ZNF638: variants seen among roughly 807,000 people sequenced by gnomAD.
The protein encoded by ZNF638 is CTCL tumor antigen se33-1.
A neutral mutation model predicts 195.6 loss-of-function variants in ZNF638; 46 were observed. That is an observed-to-expected ratio of 0.24 (90% CI 0.19 to 0.30). ZNF638 has a LOEUF of 0.30. ZNF638 is among the 10% of genes least tolerant of loss of function. ZNF638 has a pLI of 1.00. For synonymous variants in ZNF638, 845 were observed against 772.0 expected, an observed-to-expected ratio of 1.09 and a Z score of -1.57; for missense variants, 2,440 against 2,325.3, an observed-to-expected ratio of 1.05 and a Z score of -1.01.
intron 20 of ZNF638, among the ~76,000 whole-genome samples, chr2:71,417,210 G>A (rs556588613): frequency 6.6e-6 from 1 of 151,808 alleles, no homozygotes; most frequent in South Asian, 2.1e-4. Flanking sequence ...TCTGAAAAGC[G>A]CAATATTCGG....
intron 1 of ZNF638, 100 bp from the exon 2 acceptor site, chr2:71,348,652 GT>G: frequency 1.5e-6 from 2 of 1,295,408 alleles, no homozygotes; most frequent in South Asian, 3.0e-5. Flanking sequence ...ATGCAGAATG[GT>G]TTCATGGCTT....
Position 71,426,533 on chromosome 2 carries a change from A to C in ZNF638, c.4664A>C (p.Gln1555Pro), listed in dbSNP as rs1343864835. 2 of 1,613,152 alleles carry C rather than the reference A, an allele frequency of 1.2e-6. No homozygotes were observed. Among genetic ancestry groups the C allele is most frequent in the African/African-American group, 2.7e-5 (2 of 74,790 alleles). ...GTTATAGAAGAAGTGAATCCTTCTC[A>C]GGCCAAGCAGAATCCACTAAAGGGA... is the stretch of plus-strand genomic sequence containing the variant. Reference protein sequence around the residue: ...DEVIEEVNPSQAKQNPLKGKR... With the variant: ...DEVIEEVNPSPAKQNPLKGKR... The change falls in exon 24 of 28, where the codon CAG becomes CCG. Residue 1555 changes from glutamine (Q) to proline (P), a missense_variant. Coordinates refer to ENST00000264447, the MANE Select transcript of ZNF638 (RefSeq NM_014497.5).
rs2078915598 is a variant in ZNF638 at position 71,350,065 on chromosome 2, AAG to A, written c.1113_1114del (p.Asn372LeufsTer6). The stretch of plus-strand genomic sequence containing the variant: ...ACATGTTGGATCAAGAGGAAGTAAA[AAG>A]AATTACCAGTCACAGGCTGACATTC... ...NVHVGSRGSKKNYQSQADIPI... is the reference protein window; with the variant it reads ...NVHVGSRGSKXNYQSQADIPI... On this transcript the variant is annotated frameshift_variant, in exon 2 of 28. Coordinates refer to ENST00000264447, the MANE Select transcript of ZNF638 (RefSeq NM_014497.5). LOFTEE classifies it high-confidence loss of function. 1 of 1,614,090 alleles carries A rather than the reference AAG, an allele frequency of 6.2e-7. No individual in the cohort carries two copies. Among genetic ancestry groups the A allele is most frequent in the Non-Finnish European group, 8.5e-7 (1 of 1,180,052 alleles).
chr2:71,406,015 C>G, intron 18 of ZNF638, 113 bp from the exon 19 acceptor site: 1 of 1,276,710 alleles, frequency 7.8e-7, no homozygotes. Flanking sequence ...CATTTTCTTA[C>G]TCTTGGGAGA....
chr2:71,418,895 A>G (rs2080361943), intron 21 of ZNF638, among the ~76,000 whole-genome samples: 1 of 152,216 alleles, frequency 6.6e-6, no homozygotes, highest in South Asian at 2.1e-4. Flanking sequence ...GTTTGAATTA[A>G]ATAAACCACT....
intron 21 of ZNF638, among the ~76,000 whole-genome samples, chr2:71,419,055 T>G (rs2080365505): frequency 6.6e-6 from 1 of 152,214 alleles, no homozygotes; most frequent in African/African-American, 2.4e-5. Context: ...TTGATACTTT[T>G]TAAAAACAAC....
chr2:71,396,898 G>T (rs1343637948), intron 11 of ZNF638, among the ~76,000 whole-genome samples: 1 of 152,182 alleles, frequency 6.6e-6, no homozygotes, highest in Non-Finnish European at 1.5e-5. Flanking sequence ...AGTGAGCTGA[G>T]ATCTTGCCAC....
intron 1 of ZNF638, among the ~76,000 whole-genome samples, chr2:71,346,328 T>G (rs1383205477): frequency 3.9e-5 from 6 of 152,214 alleles, no homozygotes. Flanking sequence ...TTTTATTATG[T>G]AGAAGGTAGG....
intron 6 of ZNF638, among the ~76,000 whole-genome samples, chr2:71,366,461 T>C (rs370676460): frequency 4.6e-5 from 7 of 152,354 alleles, no homozygotes; most frequent in African/African-American, 1.7e-4. Flanking sequence ...ATGGAATATT[T>C]TACTGGTTTT....
chr2:71,418,537 C>T, intron 20 of ZNF638, 65 bp from the exon 21 acceptor site: 2 of 1,111,526 alleles, frequency 1.8e-6, no homozygotes, highest in South Asian at 1.9e-5. Context: ...AAAAACATTG[C>T]TTTTATAGTT....
chr2:71,377,853 TTAAC>T (rs1291980755), intron 8 of ZNF638, among the ~76,000 whole-genome samples: 1 of 152,250 alleles, frequency 6.6e-6, no homozygotes, highest in Non-Finnish European at 1.5e-5. Flanking sequence ...AGAAAACAGT[TTAAC>T]TATACAAAGA....
chr2:71,423,078 T>C lies in ZNF638; in HGVS notation c.3564T>C (p.Ile1188=). The C allele has an allele frequency of 1.2e-6, 2 of 1,614,128 alleles. No individual in the cohort carries two copies. The highest frequency in any genetic ancestry group is 2.2e-5 in the South Asian group (2 of 91,084). ...TTGTAGCATCCGCTTCAGTCAGTAT[T>C]GAACAATTCACTGAAAATGCCGAGG... ...IPLVASASVS[I]EQFTENAEEC... Residue 1188 remains isoleucine, a synonymous_variant, in exon 22 of 28, where the codon ATT becomes ATC. Coordinates refer to ENST00000264447, the MANE Select transcript of ZNF638 (RefSeq NM_014497.5).
intron 10 of ZNF638, chr2:71,388,872 C>G (rs2079707810): frequency 9.4e-6 from 6 of 638,784 alleles, no homozygotes; most frequent in Non-Finnish European, 1.7e-5. Flanking sequence ...CTCGGTTTCA[C>G]AGGCTCAGTT....
chr2:71,389,055 G>A (rs991711171), intron 10 of ZNF638, among the ~76,000 whole-genome samples: 5 of 152,102 alleles, frequency 3.3e-5, no homozygotes, highest in African/African-American at 7.2e-5. Context: ...GGCTGCTTTG[G>A]CCCTGCTGTA....
At position 71,368,481 on chromosome 2, in the gene ZNF638, C is replaced by A; in HGVS notation, c.2095C>A (p.Pro699Thr). The A allele has an allele frequency of 6.2e-7, 1 of 1,613,398 alleles. No individual in the cohort carries two copies. The highest frequency in any genetic ancestry group is 8.5e-7 in the Non-Finnish European group (1 of 1,179,732). Residue 699 changes from proline (P) to threonine (T), a missense_variant, in exon 7 of 28, where the codon CCA (proline) becomes ACA (threonine). Physicochemically the swap from Pro to Thr is conservative, Grantham distance 38 (BLOSUM62 -1). Coordinates refer to ENST00000264447, the MANE Select transcript of ZNF638 (RefSeq NM_014497.5). ...AGAAGATGTGAGAAAATTATTTCAA[C>A]CATTTGGGAAAGTGAATGATGTCCT... ...TEEDVRKLFQPFGKVNDVLIV... is the reference protein window; with the variant it reads ...TEEDVRKLFQTFGKVNDVLIV...
chr2:71,393,684 G>C (rs867944890), intron 10 of ZNF638: 4 of 709,138 alleles, frequency 5.6e-6, no homozygotes, highest in African/African-American at 5.3e-5. Context: ...TTATGCTCTC[G>C]CTTCCCCTGC....
chr2:71,385,228 TTTAAC>T (rs1283723832), intron 10 of ZNF638, among the ~76,000 whole-genome samples: 1 of 152,090 alleles, frequency 6.6e-6, no homozygotes, highest in Non-Finnish European at 1.5e-5. Flanking sequence ...AGTATGACAG[TTTAAC>T]TTAACAAAAC....
intron 8 of ZNF638, among the ~76,000 whole-genome samples, chr2:71,372,197 C>G (rs935523236): frequency 6.6e-6 from 1 of 152,160 alleles, no homozygotes; most frequent in Non-Finnish European, 1.5e-5. Context: ...TAATCCCAGC[C>G]CCAGCCCTAA....
chr2:71,352,728 T>C (rs1211191561), intron 2 of ZNF638, among the ~76,000 whole-genome samples: 8 of 152,114 alleles, frequency 5.3e-5, no homozygotes. Flanking sequence ...GTTGGAAGTA[T>C]ATTTTAGGGA....
Sources: gnomAD v4.1 joint callset for allele counts (sites outside exome capture counted in the v4.1 genomes callset) on GRCh38, gnomAD v4.1.1 for gene constraint, MANE v1.5 for transcripts, NCBI Gene and HGNC (gene_info 2026-07-23, HGNC 2026-07-21) for gene names.